TCF15: variants seen among roughly 807,000 people sequenced by gnomAD.
TCF15 encodes TCF-15.
Under a neutral mutation model 11.1 loss-of-function variants are expected in TCF15, and 7 were observed. The observed-to-expected ratio is 0.63, with a 90% CI of 0.36 to 1.19. The LOEUF is 1.19. Among genes scored for constraint, TCF15 ranks in the 50% most tolerant of loss-of-function variants. The pLI, the probability that TCF15 is intolerant of heterozygous loss-of-function variation, is 0.02. For synonymous variants in TCF15, 144 were observed against 138.9 expected, an observed-to-expected ratio of 1.04 and a Z score of -0.26; for missense variants, 288 against 289.4, an observed-to-expected ratio of 1.00 and a Z score of 0.03.
At position 609,249 on chromosome 20, in the gene TCF15, C is replaced by T. The variant is rs560748585; in HGVS notation, c.525+464G>A. On this transcript the variant is annotated intron_variant, in intron 1 of 1. Coordinates refer to ENST00000246080, the MANE Select transcript of TCF15 (RefSeq NM_004609.4). The surrounding 1 kb of genome is among the most constrained non-coding windows in gnomAD (Gnocchi z 4.7). The stretch of plus-strand genomic sequence containing the variant: ...CAGGGCCAGCGCCCCGGCTTCCCAG[C>T]TGAGTAAATGTGGGCAGGTGATCCC... Among the ~76,000 whole-genome samples the T allele has an allele frequency of 1.3e-5, 2 of 152,318 alleles. No homozygotes were observed. Among genetic ancestry groups the T allele is most frequent in the Admixed American group, 6.5e-5 (1 of 15,300 alleles).
At position 610,296 on chromosome 20, in the gene TCF15, C is replaced by A. The variant is rs1342580851; in HGVS notation, c.-59G>T. 1.4e-5 allele frequency: 14 copies of A among 985,512 alleles called. No individual in the cohort carries two copies. The highest frequency in any genetic ancestry group is 1.7e-5 in the Non-Finnish European group (14 of 830,074). The allele number at this position is 985,512 out of a possible 1,614,324, so 61.0% of individuals were successfully genotyped here. A position where few individuals can be genotyped will look rare whatever the true frequency, so the allele number is the denominator to read the frequency against. On this transcript the variant is annotated 5_prime_UTR_variant, in exon 1 of 2. Coordinates refer to ENST00000246080, the MANE Select transcript of TCF15 (RefSeq NM_004609.4). ...CCAGCGTCGGCCGCGCCCCGCCGTG[C>A]GCTCCCGCGCGCTCCCACGGCCCCG... is the stretch of plus-strand genomic sequence containing the variant.
rs1361631742 is a variant in TCF15, at chr20:606,108, C to T, written c.526-1443G>A. On this transcript the variant is annotated intron_variant, in intron 1 of 1. Coordinates refer to ENST00000246080, the MANE Select transcript of TCF15 (RefSeq NM_004609.4). ...AGATCCATCCAGATGCGAGCCCAGC[C>T]TCCCTCGAGGCTCTTGCAGCCCAGG... 2.6e-5 allele frequency among the ~76,000 whole-genome samples: 4 copies of T among 152,182 alleles called. No individual in the cohort carries two copies. In the East Asian group the frequency reaches 7.8e-4, roughly 30 times the overall value.
intron 1 of TCF15, among the ~76,000 whole-genome samples, chr20:606,645 C>T (rs747659348): frequency 1.3e-5 from 2 of 151,954 alleles, no homozygotes; most frequent in South Asian, 2.1e-4. Flanking sequence ...GGCAAAACCC[C>T]GTCTCTACTA....
chr20:608,637 C>T (rs1355726760), intron 1 of TCF15, among the ~76,000 whole-genome samples: 1 of 152,228 alleles, frequency 6.6e-6, no homozygotes, highest in African/African-American at 2.4e-5. Context: ...GCAGAGGCCT[C>T]CGCAGAACAG....
rs146639417 is a variant in TCF15, at chr20:609,542, C to T, written c.525+171G>A. On this transcript the variant is annotated intron_variant, in intron 1 of 1. Transcript: ENST00000246080. The surrounding 1 kb of genome is among the most constrained non-coding windows in gnomAD (Gnocchi z 4.7). ...TTTCCCGCATCCTTCTGTTTGGGGG[C>T]CTGGGCATTAAGTCAGTGGTTCTGG... 2.5e-3 allele frequency among the ~76,000 whole-genome samples: 388 copies of T among 152,218 alleles called. No homozygotes were observed. Among genetic ancestry groups the T allele is most frequent in the African/African-American group, 8.6e-3 (356 of 41,488 alleles).
chr20:608,225 A>C (rs1405387310), intron 1 of TCF15, among the ~76,000 whole-genome samples: 1 of 152,010 alleles, frequency 6.6e-6, no homozygotes, highest in African/African-American at 2.4e-5. Flanking sequence ...CCTCATCTTC[A>C]TCTCCCTGCC....
In TCF15 at chr20:609,733, G is replaced by A. The variant is rs760247616; in HGVS notation, c.505C>T (p.Leu169Phe). 5.7e-6 allele frequency: 8 copies of A among 1,399,066 alleles called. No homozygotes were observed. The highest frequency in any genetic ancestry group is 4.2e-4 in the Middle Eastern group (2 of 4,752). 86.7% of individuals were successfully genotyped at this position (1,399,066 alleles called of 1,614,324 possible). A position where few individuals can be genotyped will look rare whatever the true frequency, so the allele number is the denominator to read the frequency against. Residue 169 changes from leucine (L) to phenylalanine (F), a missense_variant, in exon 1 of 2, where the codon CTC becomes TTC. By Grantham distance (22) the Leu-to-Phe change is conservative. Coordinates refer to ENST00000246080, the MANE Select transcript of TCF15 (RefSeq NM_004609.4). This position sits in a 1 kb window ranked among gnomAD's most constrained non-coding sequence, Gnocchi z 4.7. ...CTCACCCCCTTGCGCTGGTTGCTGA[G>A]GCAGAAGGTGCAGATGGAGCGCGGC... ...RQPRSICTFC[L>F]SNQRKGGGRR...
chr20:610,061 C>T lies in TCF15; in HGVS notation c.177G>A (p.Ala59=). 1 of 1,027,254 alleles carries T rather than the reference C, an allele frequency of 9.7e-7. No homozygotes were observed. The highest frequency in any genetic ancestry group is 1.2e-6 in the Non-Finnish European group (1 of 858,836). 63.6% of individuals were successfully genotyped at this position (1,027,254 alleles called of 1,614,324 possible). Residue 59 remains alanine (A), a synonymous_variant, in exon 1 of 2, where the codon GCG becomes GCA. Coordinates refer to ENST00000246080, the MANE Select transcript of TCF15 (RefSeq NM_004609.4). ...CGGGGCCCGCGCCGCCGCCGCCGCCCGCCCGCCGCCCGCCCCCGGGGCCCG... is the reference window on the plus strand; with the variant it reads ...CGGGGCCCGCGCCGCCGCCGCCGCCTGCCCGCCGCCCGCCCCCGGGGCCCG... ...RGPGPGGGRR[A]GGGGGAGPVV...
chr20:609,642 G>C lies in TCF15; in HGVS notation c.525+71C>G. 7.6e-7 allele frequency: 1 copy of C among 1,307,486 alleles called. No homozygotes were observed. The highest frequency in any genetic ancestry group is 9.7e-7 in the Non-Finnish European group (1 of 1,035,436). 81.0% of individuals were successfully genotyped at this position (1,307,486 alleles called of 1,614,324 possible). On this transcript the variant is annotated intron_variant, in intron 1 of 1. Transcript: ENST00000246080. The surrounding 1 kb of genome is among the most constrained non-coding windows in gnomAD (Gnocchi z 4.7). ...TCGTTGGGGACCCCTGCACCTCTCC[G>C]GTTCCCGCAGAGGCGCTGCCCCCCG...
intron 1 of TCF15, among the ~76,000 whole-genome samples, chr20:608,221 C>T (rs2019992665): frequency 6.6e-6 from 1 of 152,220 alleles, no homozygotes; most frequent in Admixed American, 6.5e-5. Context: ...GCATCCTCAT[C>T]TTCATCTCCC....
At position 610,305 on chromosome 20, in the gene TCF15, G is replaced by T. The variant is rs1300391807; in HGVS notation, c.-68C>A. 2 of 984,070 alleles carry T rather than the reference G, an allele frequency of 2.0e-6. No individual in the cohort carries two copies. The highest frequency in any genetic ancestry group is 1.1e-4 in the East Asian group (1 of 8,844). 61.0% of individuals were successfully genotyped at this position (984,070 alleles called of 1,614,324 possible). Reference sequence around the variant, plus strand: ...GCCGCGCCCCGCCGTGCGCTCCCGCGCGCTCCCACGGCCCCGCCGGCCCCC... The same window carrying T: ...GCCGCGCCCCGCCGTGCGCTCCCGCTCGCTCCCACGGCCCCGCCGGCCCCC... On this transcript the variant is annotated 5_prime_UTR_variant, in exon 1 of 2. Transcript: ENST00000246080.
At chr20:608,399 C>T (rs1004986347) in intron 1 of TCF15, among the ~76,000 whole-genome samples, 2 of 152,198 alleles carry the variant, frequency 1.3e-5, no homozygotes, top group African/African-American at 4.8e-5. Context: ...TCCCTGAGAG[C>T]CCCTTCAGGC....
chr20:608,884 G>A lies in TCF15; in HGVS notation c.525+829C>T, dbSNP rs117226669. Among the ~76,000 whole-genome samples the A allele has an allele frequency of 1.4e-3, 214 of 152,300 alleles. 9 individuals are homozygous for A. In the East Asian group the frequency reaches 0.038, roughly 27 times the overall value. ...CGGGGGATGAAGCAGGTTCCTTGGA[G>A]CCTGGGCAAGGTTTCAGCCAAGAGG... On this transcript the variant is annotated intron_variant, in intron 1 of 1. Transcript: ENST00000246080.
In TCF15 at chr20:609,928, C is replaced by T; in HGVS notation, c.310G>A (p.Val104Met). 1 of 1,520,334 alleles carries T rather than the reference C, an allele frequency of 6.6e-7. No homozygotes were observed. The highest frequency in any genetic ancestry group is 8.7e-7 in the Non-Finnish European group (1 of 1,143,506). The allele number at this position is 1,520,334 out of a possible 1,614,324, so 94.2% of individuals were successfully genotyped here. A position where few individuals can be genotyped will look rare whatever the true frequency, so the allele number is the denominator to read the frequency against. ...TCGATCTTGGACAGCTTGCGGTCCA[C>T]CGGCTCGGTGGGGATGAGCGTGCGC... ...ALRTLIPTEP[V>M]DRKLSKIETV... is the part of the protein sequence containing the mutation. Residue 104 changes from valine to methionine, a missense_variant, in exon 1 of 2, where the codon GTG (valine) becomes ATG (methionine). Val to Met is a conservative substitution (Grantham distance 21). Transcript: ENST00000246080. The surrounding 1 kb of genome is among the most constrained non-coding windows in gnomAD (Gnocchi z 4.7).
chr20:605,957 G>C (rs2019970965), intron 1 of TCF15, among the ~76,000 whole-genome samples: 1 of 152,200 alleles, frequency 6.6e-6, no homozygotes, highest in African/African-American at 2.4e-5. Flanking sequence ...CACTGTAAAT[G>C]CTCATCACCC....
chr20:607,012 T>TC lies in TCF15; in HGVS notation c.526-2348dup, dbSNP rs1325549959. ...GATTTCATCTCACTGAGCCTCAGTT[T>TC]CCCCCCCGTAAAGGGGAATTACTTT... On this transcript the variant is annotated intron_variant, in intron 1 of 1. Transcript: ENST00000246080. Among the ~76,000 whole-genome samples the TC allele has an allele frequency of 3.3e-5, 5 of 151,576 alleles. No homozygotes were observed. The East Asian group carries it at 5.8e-4, about 18-fold the overall frequency.
Position 604,483 on chromosome 20 carries a change from C to T in TCF15, c.*108G>A. ...CCTGCCCAGAGTGTCCCGGAACAGG[C>T]CATGGTCCCCCGGTCCCTACACAAA... On this transcript the variant is annotated 3_prime_UTR_variant, in exon 2 of 2. Coordinates refer to ENST00000246080, the MANE Select transcript of TCF15 (RefSeq NM_004609.4). The surrounding 1 kb of genome is among the most constrained non-coding windows in gnomAD (Gnocchi z 4.2). 1 of 1,035,966 alleles carries T rather than the reference C, an allele frequency of 9.7e-7. No individual in the cohort carries two copies. The highest frequency in any genetic ancestry group is 1.4e-5 in the South Asian group (1 of 73,482). The allele number at this position is 1,035,966 out of a possible 1,614,324, so 64.2% of individuals were successfully genotyped here.
Position 604,768 on chromosome 20 carries a change from A to C in TCF15, c.526-103T>G. 2 of 921,768 alleles carry C rather than the reference A, an allele frequency of 2.2e-6. No individual in the cohort carries two copies. Among genetic ancestry groups the C allele is most frequent in the South Asian group, 1.8e-5 (1 of 57,040 alleles). The allele number at this position is 921,768 out of a possible 1,614,324, so 57.1% of individuals were successfully genotyped here. A position where few individuals can be genotyped will look rare whatever the true frequency, so the allele number is the denominator to read the frequency against. Reference sequence around the variant, plus strand: ...AGAGGGATCCTGATCAATAAATCACAGTTCAGCCACACGATCAAGTTCTCT... The same window carrying C: ...AGAGGGATCCTGATCAATAAATCACCGTTCAGCCACACGATCAAGTTCTCT... On this transcript the variant is annotated intron_variant, in intron 1 of 1. Coordinates refer to ENST00000246080, the MANE Select transcript of TCF15 (RefSeq NM_004609.4). This position sits in a 1 kb window ranked among gnomAD's most constrained non-coding sequence, Gnocchi z 4.2.
rs755361704 is a variant in TCF15, at chr20:604,857, A to AG, written c.526-193dup. ...AGACTGCTGCCAAATGACAATGTTT[A>AG]GGGACAAAAGCAAGGGGCAGGCTGA... On this transcript the variant is annotated intron_variant, in intron 1 of 1. Coordinates refer to ENST00000246080, the MANE Select transcript of TCF15 (RefSeq NM_004609.4). The surrounding 1 kb of genome is among the most constrained non-coding windows in gnomAD (Gnocchi z 4.2). Among the ~76,000 whole-genome samples, 14 of 152,282 alleles carry AG rather than the reference A, an allele frequency of 9.2e-5. No individual in the cohort carries two copies. The East Asian group carries it at 2.3e-3, about 25-fold the overall frequency.
Sources: allele counts gnomAD v4.1 joint callset (sites outside exome capture counted in the v4.1 genomes callset), GRCh38; gene constraint gnomAD v4.1.1; non-coding constraint Gnocchi (gnomAD v3.1); transcripts MANE v1.5; gene names NCBI Gene and HGNC (gene_info 2026-07-23, HGNC 2026-07-21).